Variants in KHSRP observed in about 807,000 individuals in gnomAD.
The protein encoded by KHSRP is KH-type splicing regulatory protein.
KHSRP carries 13 observed loss-of-function variants against 94.9 expected under a neutral mutation model. The ratio of observed to expected loss-of-function variants is 0.14; its 90% CI spans 0.09 to 0.22. KHSRP has a LOEUF of 0.22. Ranked by LOEUF, KHSRP falls within the 10% of genes least tolerant of loss-of-function variation. KHSRP has a pLI of 1.00. For missense variants in KHSRP, 710 were observed against 1,010.0 expected (o/e 0.70, Z 4.03); for synonymous variants, 495 against 401.4 (o/e 1.23, Z -2.79).
At chr19:6,420,503 AAGT>A in intron 4 of KHSRP, 32 bp from the exon 5 acceptor site, 1 of 1,606,484 alleles carries the variant, frequency 6.2e-7, no homozygotes, top group Non-Finnish European at 8.5e-7. Flanking sequence ...GTCAGTCCTC[AAGT>A]GGGAAGGGAG....
chr19:6,417,944 C>T (rs759007255), intron 10 of KHSRP, 37 bp downstream of exon 10: 25 of 1,601,336 alleles, frequency 1.6e-5, no homozygotes, highest in African/African-American at 2.7e-5. Context: ...CCTCCACTGG[C>T]GGGGGAGAGG....
chr19:6,416,782 G>C lies in KHSRP; in HGVS notation c.1283C>G (p.Thr428Ser). ...GNWGPPGGEM[T>S]FSIPTHKCGL... is the part of the protein sequence containing the mutation. ...ACACTTGTGAGTGGGGATGGAGAAG[G>C]TCATCTCCCCGCCAGGGGGACCCCA... Residue 428 changes from threonine to serine, a missense_variant, in exon 13 of 19, where the codon ACC becomes AGC. Coordinates refer to ENST00000600480, the MANE Select transcript of KHSRP (RefSeq NM_001366299.1). 6.3e-6 allele frequency: 10 copies of C among 1,590,338 alleles called. No homozygotes were observed. The highest frequency in any genetic ancestry group is 8.6e-6 in the Non-Finnish European group (10 of 1,167,372).
intron 1 of KHSRP, 22 bp downstream of exon 1, chr19:6,424,431 C>T (rs1341505381): frequency 5.1e-6 from 5 of 989,762 alleles, no homozygotes; most frequent in Non-Finnish European, 6.0e-6. Context: ...GAGCGCGCCC[C>T]TCAGGCCCTC....
rs765988452 is a variant in KHSRP at position 6,417,854 on chromosome 19, G to A, written c.979-13C>T. 2.5e-6 allele frequency: 4 copies of A among 1,612,340 alleles called. No homozygotes were observed. The East Asian group carries it at 8.9e-5, about 36-fold the overall frequency. On this transcript the variant is annotated splice_polypyrimidine_tract_variant and intron_variant, in intron 10 of 18. Coordinates refer to ENST00000600480, the MANE Select transcript of KHSRP (RefSeq NM_001366299.1). ...TGGGCACTGGCACCTGGGGAGGGAG[G>A]CAGCAGCGTCAGCTCGGCCCGCAGC...
Position 6,416,772 on chromosome 19 carries a change from G to A in KHSRP, c.1293C>T (p.Ile431=), listed in dbSNP as rs201192475. The A allele has an allele frequency of 8.7e-4, 1,393 of 1,592,598 alleles. 3 individuals are homozygous for A. Among genetic ancestry groups the A allele is most frequent in the Non-Finnish European group, 9.6e-4 (1,124 of 1,168,418 alleles). Reference sequence around the variant, plus strand: ...TGACCAGCCCACACTTGTGAGTGGGGATGGAGAAGGTCATCTCCCCGCCAG... The same window carrying A: ...TGACCAGCCCACACTTGTGAGTGGGAATGGAGAAGGTCATCTCCCCGCCAG... The part of the protein sequence containing the change: ...GPPGGEMTFS[I]PTHKCGLVIG... The change falls in exon 13 of 19, where the codon ATC becomes ATT. Residue 431 remains isoleucine, a synonymous_variant. Transcript: ENST00000600480.
chr19:6,420,534 A>C (rs2092189040), intron 4 of KHSRP, 63 bp from the exon 5 acceptor site: 7 of 1,515,714 alleles, frequency 4.6e-6, no homozygotes, highest in Non-Finnish European at 6.4e-6. Context: ...GCAGCTCTGG[A>C]AGGTCTACTT....
rs2092178889 is a variant in KHSRP, at chr19:6,419,191, G to A, written c.605+12C>T. The A allele has an allele frequency of 1.9e-6, 3 of 1,577,046 alleles. No homozygotes were observed. The highest frequency in any genetic ancestry group is 2.6e-6 in the Non-Finnish European group (3 of 1,161,430). ...CCCCCACATCACAATGAGAGGCCCT[G>A]TGGGGACTTACTGGACAGATTCTGG... On this transcript the variant is annotated intron_variant, in intron 7 of 18. Coordinates refer to ENST00000600480, the MANE Select transcript of KHSRP (RefSeq NM_001366299.1).
chr19:6,413,751 G>T lies in KHSRP; in HGVS notation c.*1273C>A, dbSNP rs911821821. 6.6e-6 allele frequency: 1 copy of T among 151,854 alleles called. No homozygotes were observed. The allele number at this position is 151,854 out of a possible 1,614,324, so 9.4% of individuals were successfully genotyped here. The stretch of plus-strand genomic sequence containing the variant: ...AGGTTCAGGAAGGCTGGGGGGTGAA[G>T]AATAGAGACTTTTTAATATATATAT... On this transcript the variant is annotated 3_prime_UTR_variant, in exon 19 of 19. Transcript: ENST00000600480.
chr19:6,418,616 C>A lies in KHSRP; in HGVS notation c.781-35G>T. 7 of 1,611,296 alleles carry A rather than the reference C, an allele frequency of 4.3e-6. No homozygotes were observed. Among genetic ancestry groups the A allele is most frequent in the Non-Finnish European group, 5.9e-6 (7 of 1,177,392 alleles). On this transcript the variant is annotated intron_variant, in intron 8 of 18. Transcript: ENST00000600480. This position sits in a 1 kb window ranked among gnomAD's most constrained non-coding sequence, Gnocchi z 4.3. ...CAAGGTTAACCGTTAGTGCTGGGCT[C>A]TCCCAGGACTTCCTGGGCTGCTGTG...
intron 4 of KHSRP, among the ~76,000 whole-genome samples, chr19:6,420,842 G>A (rs998870617): frequency 6.6e-6 from 1 of 152,322 alleles, no homozygotes; most frequent in African/African-American, 2.4e-5. Flanking sequence ...CCTGACAACT[G>A]CCCTGTGTCA....
Position 6,414,359 on chromosome 19 carries a change from GA to G in KHSRP, c.*664del. 9.5e-6 allele frequency: 13 copies of G among 1,367,766 alleles called. No homozygotes were observed. Among genetic ancestry groups the G allele is most frequent in the Non-Finnish European group, 1.2e-5 (13 of 1,057,002 alleles). 84.7% of individuals were successfully genotyped at this position (1,367,766 alleles called of 1,614,324 possible). A position where few individuals can be genotyped will look rare whatever the true frequency, so the allele number is the denominator to read the frequency against. On this transcript the variant is annotated 3_prime_UTR_variant, in exon 19 of 19. Coordinates refer to ENST00000600480, the MANE Select transcript of KHSRP (RefSeq NM_001366299.1). ...GGAGGGACAGAGCAGGAAGAGAGGA[GA>G]GGGGCCGCGGAGGGCGGAGGCGCTA...
At chr19:6,420,591 C>A in intron 4 of KHSRP, 120 bp from the exon 5 acceptor site, 1 of 869,120 alleles carries the variant, frequency 1.2e-6, no homozygotes, top group South Asian at 1.4e-5. Context: ...CCACACAGGC[C>A]ACAAAACTGC....
At chr19:6,416,009 G>A (rs575878393) in intron 15 of KHSRP, 113 bp from the exon 16 acceptor site, 22 of 702,020 alleles carry the variant, frequency 3.1e-5, no homozygotes, top group African/African-American at 2.0e-4. Flanking sequence ...CAGACCACCA[G>A]GCTCAACGGG....
intron 2 of KHSRP, among the ~76,000 whole-genome samples, chr19:6,421,932 C>T (rs866361969): frequency 3.3e-5 from 5 of 152,162 alleles, no homozygotes; most frequent in African/African-American, 4.8e-5. Context: ...TGAGTCCTCC[C>T]GGTTTAGGAC....
chr19:6,420,571 CAG>C (rs1487467054), intron 4 of KHSRP, 100 bp from the exon 5 acceptor site: 1 of 1,061,122 alleles, frequency 9.4e-7, no homozygotes, highest in Non-Finnish European at 1.4e-6. Flanking sequence ...TAGGTCTAAG[CAG>C]AGTCTGACCA....
At chr19:6,415,764 G>A (rs1431480292) in intron 16 of KHSRP, 30 bp from the exon 17 acceptor site, 2 of 1,552,128 alleles carry the variant, frequency 1.3e-6, no homozygotes, top group African/African-American at 1.4e-5. Context: ...TGAGACGGGG[G>A]GACAGAACAG....
intron 11 of KHSRP, 42 bp downstream of exon 11, chr19:6,417,697 T>G (rs1599239662): frequency 6.5e-7 from 1 of 1,542,326 alleles, no homozygotes; most frequent in East Asian, 2.3e-5. Flanking sequence ...CCAAAGAGGG[T>G]GGGGGTGCAC....
In KHSRP at chr19:6,413,963, G is replaced by T; in HGVS notation, c.*1061C>A. ...GAGTGAGGGCCCGGCATGCCCCCAA[G>T]TCCCCCCCACCCTGCTTGCCGCGAG... On this transcript the variant is annotated 3_prime_UTR_variant, in exon 19 of 19. Transcript: ENST00000600480. 5.9e-6 allele frequency: 5 copies of T among 843,892 alleles called. No homozygotes were observed. Among genetic ancestry groups the T allele is most frequent in the Admixed American group, 3.3e-5 (1 of 30,430 alleles). The allele number at this position is 843,892 out of a possible 1,614,324, so 52.3% of individuals were successfully genotyped here. A position where few individuals can be genotyped will look rare whatever the true frequency, so the allele number is the denominator to read the frequency against.
intron 4 of KHSRP, among the ~76,000 whole-genome samples, 165 bp from the exon 5 acceptor site, chr19:6,420,636 G>A (rs1193108979): frequency 6.6e-6 from 1 of 152,244 alleles, no homozygotes; most frequent in African/African-American, 2.4e-5. Context: ...GCCCCGAGAG[G>A]CTTGCTCTGG....
Sources: allele counts gnomAD v4.1 joint callset (sites outside exome capture counted in the v4.1 genomes callset), GRCh38; gene constraint gnomAD v4.1.1; non-coding constraint Gnocchi (gnomAD v3.1); transcripts MANE v1.5; gene names NCBI Gene and HGNC (gene_info 2026-07-23, HGNC 2026-07-21).